SNRNP200: variants seen among roughly 807,000 people sequenced by gnomAD.
SNRNP200 encodes small nuclear ribonucleoprotein U5 subunit 200, also known as U5 small nuclear ribonucleoprotein 200 kDa helicase.
A neutral mutation model predicts 255.2 loss-of-function variants in SNRNP200; 66 were observed. The observed-to-expected ratio is 0.26, with a 90% CI of 0.21 to 0.32. The LOEUF (loss-of-function observed/expected upper bound fraction) is 0.32. Among genes scored for constraint, SNRNP200 ranks in the 10% least tolerant of loss-of-function variants. SNRNP200 has a pLI of 1.00. For synonymous variants in SNRNP200, 939 were observed against 1,027.8 expected (o/e 0.91, Z 1.65); for missense variants, 1,585 against 2,749.8 (o/e 0.58, Z 9.47).
rs1353263795 is a variant in SNRNP200 at position 96,287,803 on chromosome 2, G to A, written c.3365+60C>T. On this transcript the variant is annotated intron_variant, in intron 25 of 44. Transcript: ENST00000323853. This position sits in a 1 kb window ranked among gnomAD's most constrained non-coding sequence, Gnocchi z 5.7. ...GATGCACCCTGAGGCTTTCCCATCA[G>A]ACCCTTGGGTTGGGGACCCCCACTC... 7.1e-7 allele frequency: 1 copy of A among 1,412,464 alleles called. No individual in the cohort carries two copies. The highest frequency in any genetic ancestry group is 2.3e-5 in the East Asian group (1 of 43,974). The allele number at this position is 1,412,464 out of a possible 1,614,324, so 87.5% of individuals were successfully genotyped here.
chr2:96,290,317 C>CT lies in SNRNP200; in HGVS notation c.2742+8dup, dbSNP rs758931100. The stretch of plus-strand genomic sequence containing the variant: ...AAAGCATGAAGCACAACAAGCAGTC[C>CT]TCCCCTACCTTGGCATTCTGGACAT... On this transcript the variant is annotated intron_variant, in intron 20 of 44. Coordinates refer to ENST00000323853, the MANE Select transcript of SNRNP200 (RefSeq NM_014014.5). This position sits in a 1 kb window ranked among gnomAD's most constrained non-coding sequence, Gnocchi z 4.5. 34 of 1,613,590 alleles carry CT rather than the reference C, an allele frequency of 2.1e-5. No homozygotes were observed. In the Admixed American group the frequency reaches 5.7e-4, roughly 27 times the overall value.
chr2:96,280,848 C>CCT (rs1197505078), intron 35 of SNRNP200, among the ~76,000 whole-genome samples: 2 of 114,856 alleles, frequency 1.7e-5, no homozygotes, highest in African/African-American at 3.4e-5. Flanking sequence ...ACACCTGGCC[C>CCT]TTTTTTTTTT....
In SNRNP200 at chr2:96,287,938, T is replaced by G; in HGVS notation, c.3290A>C (p.Glu1097Ala). 1 of 1,614,198 alleles carries G rather than the reference T, an allele frequency of 6.2e-7. No individual in the cohort carries two copies. The highest frequency in any genetic ancestry group is 8.5e-7 in the Non-Finnish European group (1 of 1,180,036). Reference protein sequence around the residue: ...SAGRLMRAIFEIVLNRGWAQL... With the variant: ...SAGRLMRAIFAIVLNRGWAQL... ...TGCCCAACCTCGGTTCAGGACAATT[T>G]CAAATATCGCTCGCATCAACCGGCC... The change falls in exon 25 of 45, where the codon GAA becomes GCA. Residue 1097 changes from glutamate to alanine, a missense_variant. This residue lies in a region of SNRNP200 where 719 missense variants were observed against 1,091.1 expected (regional missense o/e 0.66). Transcript: ENST00000323853. The surrounding 1 kb of genome is among the most constrained non-coding windows in gnomAD (Gnocchi z 5.7).
Position 96,283,443 on chromosome 2 carries a change from G to A in SNRNP200, c.4764-91C>T. ...TGCAGAACCTGGCCCCAAGCAACAT[G>A]GGCTAACCCCACCCTCATAAAGAGG... On this transcript the variant is annotated intron_variant, in intron 33 of 44. Transcript: ENST00000323853. The surrounding 1 kb of genome is among the most constrained non-coding windows in gnomAD (Gnocchi z 4.7). The A allele has an allele frequency of 6.2e-7, 1 of 1,612,330 alleles. No individual in the cohort carries two copies. The highest frequency in any genetic ancestry group is 8.5e-7 in the Non-Finnish European group (1 of 1,178,874).
At position 96,286,550 on chromosome 2, in the gene SNRNP200, C is replaced by G; in HGVS notation, c.3830-66G>C. The G allele has an allele frequency of 6.2e-7, 1 of 1,602,392 alleles. No individual in the cohort carries two copies. Among genetic ancestry groups the G allele is most frequent in the Non-Finnish European group, 8.5e-7 (1 of 1,171,676 alleles). On this transcript the variant is annotated intron_variant, in intron 28 of 44. Coordinates refer to ENST00000323853, the MANE Select transcript of SNRNP200 (RefSeq NM_014014.5). This position sits in a 1 kb window ranked among gnomAD's most constrained non-coding sequence, Gnocchi z 4.8. ...TTTCCCTCACTGGCCTCTAGATCCC[C>G]TCCATGAACACTGGAAACCTAGGCA...
At chr2:96,299,024 G>C (rs760362093) in intron 6 of SNRNP200, 57 bp from the exon 7 acceptor site, 390 of 1,606,816 alleles carry the variant, frequency 2.4e-4, no homozygotes, top group Non-Finnish European at 3.2e-4. Flanking sequence ...CGATCACTTT[G>C]CCACCACCCT....
intron 5 of SNRNP200, among the ~76,000 whole-genome samples, chr2:96,299,760 G>A (rs2063941149): frequency 6.6e-6 from 1 of 152,178 alleles, no homozygotes; most frequent in Admixed American, 6.5e-5. Flanking sequence ...GCATGCCTGG[G>A]AAAGCAGGTG....
At chr2:96,302,453 GT>G (rs1401156159) in intron 3 of SNRNP200, among the ~76,000 whole-genome samples, 4 of 152,140 alleles carry the variant, frequency 2.6e-5, no homozygotes, top group African/African-American at 7.2e-5. Flanking sequence ...AAGCAAACTT[GT>G]TTTTTTCTAT....
chr2:96,281,955 C>T, intron 34 of SNRNP200, 33 bp from the exon 35 acceptor site: 1 of 1,553,714 alleles, frequency 6.4e-7, no homozygotes, highest in African/African-American at 1.4e-5. Context: ...AGGCTGAGGG[C>T]AGGGGTCTCC....
chr2:96,279,856 G>A (rs1266884002), intron 35 of SNRNP200: 6 of 353,864 alleles, frequency 1.7e-5, no homozygotes, highest in African/African-American at 1.1e-4. Context: ...GATCAAATAT[G>A]TAAGTCAAAC....
Position 96,284,472 on chromosome 2 carries a change from G to C in SNRNP200, c.4278C>G (p.Ile1426Met). The C allele has an allele frequency of 6.2e-7, 1 of 1,614,178 alleles. No homozygotes were observed. The highest frequency in any genetic ancestry group is 1.7e-5 in the Admixed American group (1 of 60,026). Residue 1426 changes from isoleucine (I) to methionine (M), a missense_variant, in exon 31 of 45, where the codon ATC becomes ATG. This residue lies in a region of SNRNP200 where 719 missense variants were observed against 1,091.1 expected (regional missense o/e 0.66). Transcript: ENST00000323853. ...LKLLGKGNII[I>M]STPEKWDILS... is the part of the protein sequence containing the mutation. Reference sequence around the variant, plus strand: ...GTATGTCCCACTTCTCAGGGGTGCTGATGATAATGTTCCCTTTGCCCAGCA... The same window carrying C: ...GTATGTCCCACTTCTCAGGGGTGCTCATGATAATGTTCCCTTTGCCCAGCA...
At chr2:96,296,491 A>C (rs201108232) in intron 13 of SNRNP200, 45 bp downstream of exon 13, 2 of 1,605,692 alleles carry the variant, frequency 1.2e-6, no homozygotes, top group African/African-American at 2.7e-5. Flanking sequence ...CAACACTTTC[A>C]TAGGTGCACC....
At chr2:96,289,711 C>G in intron 21 of SNRNP200, 88 bp downstream of exon 21, 2 of 1,157,394 alleles carry the variant, frequency 1.7e-6, no homozygotes, top group South Asian at 2.5e-5. Flanking sequence ...ATAGGCAGTA[C>G]TCACATCAAG....
At position 96,293,092 on chromosome 2, in the gene SNRNP200, G is replaced by A. The variant is rs974205583; in HGVS notation, c.2040C>T (p.Phe680=). 22 of 1,614,084 alleles carry A rather than the reference G, an allele frequency of 1.4e-5. No individual in the cohort carries two copies. In the Middle Eastern group the frequency reaches 4.9e-4, roughly 36 times the overall value. ...AKGLFYFDNS[F]RPVPLEQTYV... ...ATGTCTGTTCCAGAGGCACTGGACGGAAGCTAGAAGTTCAACAGTTAGACA... is the reference window on the plus strand; with the variant it reads ...ATGTCTGTTCCAGAGGCACTGGACGAAAGCTAGAAGTTCAACAGTTAGACA... The change falls in exon 16 of 45, where the codon TTC becomes TTT. Residue 680 remains phenylalanine, a synonymous_variant. Transcript: ENST00000323853.
chr2:96,274,797 T>C lies in SNRNP200; in HGVS notation c.*215A>G, dbSNP rs1684626309. The C allele has an allele frequency of 1.7e-6, 1 of 598,198 alleles. No individual in the cohort carries two copies. Among genetic ancestry groups the C allele is most frequent in the African/African-American group, 1.9e-5 (1 of 53,754 alleles). The allele number at this position is 598,198 out of a possible 1,614,324, so 37.1% of individuals were successfully genotyped here. On this transcript the variant is annotated 3_prime_UTR_variant, in exon 45 of 45. Transcript: ENST00000323853. ...GAACTACCAGGAACATGCCTGAAAA[T>C]GCTATATATGATTTATGCTTGACCC...
chr2:96,275,420 C>T (rs1050618327), intron 43 of SNRNP200, 71 bp from the exon 44 acceptor site: 3 of 1,288,748 alleles, frequency 2.3e-6, no homozygotes, highest in South Asian at 2.4e-5. Context: ...GAAAATGGTA[C>T]AGTTACAAAA....
At chr2:96,284,295 T>C (rs2104340818) in intron 31 of SNRNP200, 63 bp downstream of exon 31, 1 of 1,427,492 alleles carries the variant, frequency 7.0e-7, no homozygotes, top group South Asian at 1.1e-5. Context: ...AAACATTAGG[T>C]CCAATGCCAA....
rs1270789185 is a variant in SNRNP200 at position 96,287,313 on chromosome 2, A to C, written c.3484+126T>G. The C allele has an allele frequency of 1.7e-6, 2 of 1,186,714 alleles. No homozygotes were observed. The highest frequency in any genetic ancestry group is 4.7e-5 in the East Asian group (2 of 42,920). The allele number at this position is 1,186,714 out of a possible 1,614,324, so 73.5% of individuals were successfully genotyped here. A position where few individuals can be genotyped will look rare whatever the true frequency, so the allele number is the denominator to read the frequency against. ...GTCCCCAGACCAAGGGCCAGCCTGT[A>C]CTTCAGTGGGACTTGGGGAGTGAAC... On this transcript the variant is annotated intron_variant, in intron 26 of 44. Transcript: ENST00000323853. The surrounding 1 kb of genome is among the most constrained non-coding windows in gnomAD (Gnocchi z 5.7).
Position 96,286,826 on chromosome 2 carries a change from C to T in SNRNP200, c.3691G>A (p.Glu1231Lys). ...AAATACTCATGGTGCAGAATCACCT[C>T]GCTGTCCACATCCTCCACCAGAATC... ...FWILVEDVDS[E>K]VILHHEYFLL... Residue 1231 changes from glutamate (E) to lysine (K), a missense_variant, in exon 28 of 45, where the codon GAG (glutamate) becomes AAG (lysine). By Grantham distance (56) the Glu-to-Lys change is moderately conservative. Around this residue, in one of 9 missense-constraint regions of SNRNP200, gnomAD observed 719 missense variants for 1,091.1 expected, o/e 0.66. Transcript: ENST00000323853. The surrounding 1 kb of genome is among the most constrained non-coding windows in gnomAD (Gnocchi z 4.8). The T allele has an allele frequency of 6.2e-7, 1 of 1,614,210 alleles. No homozygotes were observed. Among genetic ancestry groups the T allele is most frequent in the Non-Finnish European group, 8.5e-7 (1 of 1,180,048 alleles).
Sources: allele counts gnomAD v4.1 joint callset (sites outside exome capture counted in the v4.1 genomes callset), GRCh38; gene constraint gnomAD v4.1.1; regional missense constraint gnomAD v4.1.1; non-coding constraint Gnocchi (gnomAD v3.1); transcripts MANE v1.5; gene names NCBI Gene and HGNC (gene_info 2026-07-23, HGNC 2026-07-21).